MAD2L1BP: variants seen among roughly 807,000 people sequenced by gnomAD.
MAD2L1BP encodes MAD2L1 binding protein.
Under a neutral mutation model 28.4 loss-of-function variants are expected in MAD2L1BP, and 22 were observed. The ratio of observed to expected loss-of-function variants is 0.77; its 90% CI spans 0.55 to 1.10. The LOEUF (loss-of-function observed/expected upper bound fraction) is 1.10. Ranked by LOEUF, MAD2L1BP falls within the 50% of genes least tolerant of loss-of-function variation. The probability of loss-of-function intolerance (pLI) is 0.00; values close to 1 mark genes in which losing one functional copy is unlikely to be tolerated. For missense variants in MAD2L1BP, 325 were observed against 350.5 expected (o/e 0.93, Z 0.58); for synonymous variants, 146 against 133.7 (o/e 1.09, Z -0.63).
chr6:43,640,054 A>G lies in MAD2L1BP; in HGVS notation c.346A>G (p.Thr116Ala). Residue 116 changes from threonine (T) to alanine (A), a missense_variant, in exon 3 of 3, where the codon ACC becomes GCC. Physicochemically the swap from Thr to Ala is moderately conservative, Grantham distance 58. Coordinates refer to ENST00000372171, the MANE Select transcript of MAD2L1BP (RefSeq NM_014628.3). ...EEMLKKKPRA[T>A]TEVSSRKCQQ... is the part of the protein sequence containing the mutation. ...GATGCTGAAGAAGAAACCTCGGGCCACCACTGAGGTGAGCAGCAGGAAATG... is the reference window on the plus strand; with the variant it reads ...GATGCTGAAGAAGAAACCTCGGGCCGCCACTGAGGTGAGCAGCAGGAAATG... The G allele has an allele frequency of 6.5e-7, 1 of 1,541,836 alleles. No individual in the cohort carries two copies. Among genetic ancestry groups the G allele is most frequent in the Non-Finnish European group, 8.8e-7 (1 of 1,140,706 alleles).
Position 43,640,462 on chromosome 6 carries a change from A to G in MAD2L1BP, c.754A>G (p.Ile252Val). 6.2e-7 allele frequency: 1 copy of G among 1,613,444 alleles called. No individual in the cohort carries two copies. Among genetic ancestry groups the G allele is most frequent in the Non-Finnish European group, 8.5e-7 (1 of 1,179,870 alleles). The change falls in exon 3 of 3, where the codon ATC (isoleucine) becomes GTC (valine). Residue 252 changes from isoleucine (I) to valine (V), a missense_variant. By Grantham distance (29) the Ile-to-Val change is conservative. Transcript: ENST00000372171. ...TVTLSCGRPS[I>V]RTTAWEDYIW... ...GACCCTGTCATGTGGCAGACCTTCC[A>G]TCCGAACCACGGCTTGGGAAGACTA...
At position 43,640,433 on chromosome 6, in the gene MAD2L1BP, CTG is replaced by C; in HGVS notation, c.728_729del (p.Val243AspfsTer27). 6.2e-7 allele frequency: 1 copy of C among 1,613,936 alleles called. No individual in the cohort carries two copies. The highest frequency in any genetic ancestry group is 8.5e-7 in the Non-Finnish European group (1 of 1,179,994). Reference sequence around the variant, plus strand: ...GTGCCCAGCCGGGGCCATAAACTGACTGTGACCCTGTCATGTGGCAGACCTTC... The same window carrying C: ...GTGCCCAGCCGGGGCCATAAACTGACTGACCCTGTCATGTGGCAGACCTTC... On this transcript the variant is annotated frameshift_variant, in exon 3 of 3. Transcript: ENST00000372171. LOFTEE classifies it high-confidence loss of function.
In MAD2L1BP at chr6:43,640,406, G is replaced by T. The variant is rs543481224; in HGVS notation, c.698G>T (p.Arg233Leu). 48 of 1,613,936 alleles carry T rather than the reference G, an allele frequency of 3.0e-5. No homozygotes were observed. The South Asian group carries it at 5.1e-4, about 17-fold the overall frequency. ...TGGTTTCGACCCAAGCTCAACTATC[G>T]AGTGCCCAGCCGGGGCCATAAACTG... ...EDWFRPKLNY[R>L]VPSRGHKLTV... is the part of the protein sequence containing the mutation. The change falls in exon 3 of 3, where the codon CGA becomes CTA. Residue 233 changes from arginine to leucine, a missense_variant. Coordinates refer to ENST00000372171, the MANE Select transcript of MAD2L1BP (RefSeq NM_014628.3).
At chr6:43,634,220 C>CTTTTTTTTTTTTTTTTTTTTTTTTTTTT (rs751773637), upstream of MAD2L1BP, among the ~76,000 whole-genome samples, 1 of 103,668 alleles carries the variant, frequency 9.6e-6, no homozygotes, top group Admixed American at 9.7e-5. Flanking sequence ...TTCTTTTTTT[C>CTTTTTTTTTTTTTTTTTTTTTTTTTTTT]TTTTTTTTTT....
chr6:43,631,356 A>C (rs2127854605), upstream of MAD2L1BP, among the ~76,000 whole-genome samples: 1 of 152,306 alleles, frequency 6.6e-6, no homozygotes, highest in South Asian at 2.1e-4. Context: ...GAAGGATGAG[A>C]ATTGGAAGGA....
intron 2 of MAD2L1BP, among the ~76,000 whole-genome samples, chr6:43,638,524 C>T (rs552408160): frequency 3.3e-5 from 5 of 150,354 alleles, no homozygotes; most frequent in Non-Finnish European, 4.4e-5. Flanking sequence ...TGGCCGGGCG[C>T]GGTGGCTCAC....
rs1770521484 is a variant in MAD2L1BP at position 43,640,892 on chromosome 6, G to A, written c.*359G>A. 8.6e-6 allele frequency: 2 copies of A among 232,784 alleles called. No individual in the cohort carries two copies. 14.4% of individuals were successfully genotyped at this position (232,784 alleles called of 1,614,324 possible). On this transcript the variant is annotated 3_prime_UTR_variant, in exon 3 of 3. Transcript: ENST00000372171. ...TCAGAATTTTTACCAGGAACATAAT[G>A]TGGATGTGACTTATGAACTTAAATA...
At chr6:43,636,761 A>G (rs1405115098) in intron 2 of MAD2L1BP, 115 bp downstream of exon 2, 9 of 1,250,742 alleles carry the variant, frequency 7.2e-6, no homozygotes, top group Admixed American at 2.2e-5. Context: ...AGCAGCTTCC[A>G]GGGCTTCGGT....
chr6:43,640,288 A>G lies in MAD2L1BP; in HGVS notation c.580A>G (p.Ile194Val). 6.2e-7 allele frequency: 1 copy of G among 1,613,728 alleles called. No individual in the cohort carries two copies. The highest frequency in any genetic ancestry group is 8.5e-7 in the Non-Finnish European group (1 of 1,179,804). ...TTGTTTGCGCCGTCTCTTCCGAGCC[A>G]TATTCATGGCTGATGCCTTTAGCGA... ...AACLRRLFRA[I>V]FMADAFSELQ... Residue 194 changes from isoleucine (I) to valine (V), a missense_variant, in exon 3 of 3, where the codon ATA becomes GTA. Coordinates refer to ENST00000372171, the MANE Select transcript of MAD2L1BP (RefSeq NM_014628.3).
intron 2 of MAD2L1BP, among the ~76,000 whole-genome samples, chr6:43,637,896 G>A (rs1031312457): frequency 6.7e-6 from 1 of 149,402 alleles, no homozygotes; most frequent in African/African-American, 2.5e-5. Flanking sequence ...ACCGTGCTCC[G>A]CCTGTTTGTT....
At position 43,635,948 on chromosome 6, in the gene MAD2L1BP, G is replaced by A. The variant is rs1422251752; in HGVS notation, c.46+27G>A. 5 of 1,530,366 alleles carry A rather than the reference G, an allele frequency of 3.3e-6. No homozygotes were observed. The African/African-American group carries it at 7.0e-5, about 21-fold the overall frequency. The allele number at this position is 1,530,366 out of a possible 1,614,324, so 94.8% of individuals were successfully genotyped here. A position where few individuals can be genotyped will look rare whatever the true frequency, so the allele number is the denominator to read the frequency against. On this transcript the variant is annotated intron_variant, in intron 1 of 2. Coordinates refer to ENST00000372171, the MANE Select transcript of MAD2L1BP (RefSeq NM_014628.3). ...TAAGGCGTGGGGCCAAGAGTTTGGG[G>A]AGCCTTGGGGACTTGTTTCTTCCCT...
At position 43,636,313 on chromosome 6, in the gene MAD2L1BP, G is replaced by A. The variant is rs1582364516; in HGVS notation, c.47-68G>A. 1.9e-6 allele frequency: 3 copies of A among 1,550,418 alleles called. No individual in the cohort carries two copies. The East Asian group carries it at 6.8e-5, about 35-fold the overall frequency. On this transcript the variant is annotated intron_variant, in intron 1 of 2. Coordinates refer to ENST00000372171, the MANE Select transcript of MAD2L1BP (RefSeq NM_014628.3). Reference sequence around the variant, plus strand: ...AGGGTGGCTGGTTTGTCGGCCACAGGGAATGAGAAGACTGACTGGCTTTTA... The same window carrying A: ...AGGGTGGCTGGTTTGTCGGCCACAGAGAATGAGAAGACTGACTGGCTTTTA...
intron 2 of MAD2L1BP, among the ~76,000 whole-genome samples, chr6:43,638,797 A>G (rs1770406137): frequency 7.0e-6 from 1 of 143,000 alleles, no homozygotes; most frequent in South Asian, 2.1e-4. Flanking sequence ...CTCTGTCTCA[A>G]AAAAAAAAAA....
intron 1 of MAD2L1BP, 101 bp downstream of exon 1, chr6:43,636,022 T>G (rs1368115368): frequency 1.4e-5 from 17 of 1,186,384 alleles, no homozygotes; most frequent in Non-Finnish European, 2.0e-5. Context: ...CCCTAGCCCG[T>G]CTTCCCTGTC....
In MAD2L1BP at chr6:43,637,916, G is replaced by A. The variant is rs1044595192; in HGVS notation, c.312+1270G>A. ...GCTCCGCCTGTTTGTTTCTTTTTTT[G>A]AGAAGGAGTCTCGCTCTTGTGTGGC... On this transcript the variant is annotated intron_variant, in intron 2 of 2. Transcript: ENST00000372171. Among the ~76,000 whole-genome samples, 2 of 143,448 alleles carry A rather than the reference G, an allele frequency of 1.4e-5. 1 individual carries two copies. 94.1% of individuals were successfully genotyped at this position (143,448 alleles called of 152,430 possible). A position where few individuals can be genotyped will look rare whatever the true frequency, so the allele number is the denominator to read the frequency against.
chr6:43,638,795 C>CAA (rs113277792), intron 2 of MAD2L1BP, among the ~76,000 whole-genome samples: 1 of 127,240 alleles, frequency 7.9e-6, no homozygotes, highest in Non-Finnish European at 1.7e-5. Context: ...AACTCTGTCT[C>CAA]AAAAAAAAAA....
chr6:43,634,780 C>G (rs188588488), upstream of MAD2L1BP, among the ~76,000 whole-genome samples: 125 of 152,234 alleles, frequency 8.2e-4, no homozygotes, highest in African/African-American at 2.9e-3. Context: ...AGGCTGGTCT[C>G]AAACTCCTGA....
rs1053439811 is a variant in MAD2L1BP at position 43,640,403 on chromosome 6, A to G, written c.695A>G (p.Tyr232Cys). 1.9e-6 allele frequency: 3 copies of G among 1,613,816 alleles called. No homozygotes were observed. The highest frequency in any genetic ancestry group is 2.7e-5 in the African/African-American group (2 of 74,922). ...GEDWFRPKLN[Y>C]RVPSRGHKLT... ...GATTGGTTTCGACCCAAGCTCAACT[A>G]TCGAGTGCCCAGCCGGGGCCATAAA... is the stretch of plus-strand genomic sequence containing the variant. The change falls in exon 3 of 3, where the codon TAT (tyrosine) becomes TGT (cysteine). Residue 232 changes from tyrosine (Y) to cysteine (C), a missense_variant. Physicochemically the swap from Tyr to Cys is radical, Grantham distance 194 (BLOSUM62 -2). Coordinates refer to ENST00000372171, the MANE Select transcript of MAD2L1BP (RefSeq NM_014628.3).
Position 43,640,193 on chromosome 6 carries a change from A to T in MAD2L1BP, c.485A>T (p.Lys162Met), listed in dbSNP as rs893954474. The change falls in exon 3 of 3, where the codon AAG becomes ATG. Residue 162 changes from lysine to methionine, a missense_variant. By Grantham distance (95) the Lys-to-Met change is moderately conservative. Transcript: ENST00000372171. ...ILLGGNALSP[K>M]EFYELDLSLL... is the part of the protein sequence containing the mutation. ...CTTGGGGGCAATGCCCTAAGCCCCA[A>T]GGAGTTCTATGAACTCGACTTGTCT... The T allele has an allele frequency of 2.5e-6, 4 of 1,613,840 alleles. No individual in the cohort carries two copies. In the African/African-American group the frequency reaches 4.0e-5, roughly 16 times the overall value.
Sources: allele counts gnomAD v4.1 joint callset (sites outside exome capture counted in the v4.1 genomes callset), GRCh38; gene constraint gnomAD v4.1.1; transcripts MANE v1.5; gene names NCBI Gene and HGNC (gene_info 2026-07-23, HGNC 2026-07-21).